Variants in SLC6A12 observed in about 807,000 individuals in gnomAD.
SLC6A12 encodes the protein solute carrier family 6 member 12, also known as sodium- and chloride-dependent betaine transporter.
Under a neutral mutation model 73.3 loss-of-function variants are expected in SLC6A12, and 50 were observed. That is an observed-to-expected ratio of 0.68 (90% CI 0.54 to 0.86). The LOEUF is 0.86. Among genes scored for constraint, SLC6A12 ranks in the 40% least tolerant of loss-of-function variants. The pLI, the probability that SLC6A12 is intolerant of heterozygous loss-of-function variation, is 0.00. For missense variants in SLC6A12, 648 were observed against 772.8 expected (o/e 0.84, Z 1.92); for synonymous variants, 304 against 309.2 (o/e 0.98, Z 0.18).
downstream of SLC6A12, among the ~76,000 whole-genome samples, chr12:187,615 A>C (rs1361718632): frequency 2.3e-3 from 36 of 15,548 alleles, no homozygotes; most frequent in South Asian, 0.012. Flanking sequence ...AAAAAAAAAA[A>C]AAAAAAAAAA....
At chr12:208,363 G>A (rs544849771) in intron 3 of SLC6A12, among the ~76,000 whole-genome samples, 6 of 152,102 alleles carry the variant, frequency 3.9e-5, no homozygotes, top group East Asian at 1.9e-4. Context: ...GCTTGTGATC[G>A]CAACTATAAG....
chr12:192,640 G>A lies in SLC6A12; in HGVS notation c.1539C>T (p.Phe513=). The change falls in exon 15 of 16, where the codon TTC becomes TTT. Residue 513 remains phenylalanine, a synonymous_variant. Coordinates refer to ENST00000684302, the MANE Select transcript of SLC6A12 (RefSeq NM_001122848.3). The stretch of plus-strand genomic sequence containing the variant: ...GGGTGTACTTGCTCAAGGAGAAGAG[G>A]AAAGTGGCCTGGGAGAAGGAAGGGG... ...FLTPGLCLAT[F]LFSLSKYTPL... 6.2e-7 allele frequency: 1 copy of A among 1,614,118 alleles called. No homozygotes were observed. The highest frequency in any genetic ancestry group is 8.5e-7 in the Non-Finnish European group (1 of 1,179,978).
chr12:199,705 C>G (rs1940110456), intron 7 of SLC6A12: 1 of 152,174 alleles, frequency 6.6e-6, no homozygotes, highest in Non-Finnish European at 1.5e-5. Flanking sequence ...TTACTGACCA[C>G]TCCTGGCTTT....
downstream of SLC6A12, among the ~76,000 whole-genome samples, chr12:186,863 C>T (rs1318351041): frequency 3.9e-5 from 6 of 152,156 alleles, no homozygotes; most frequent in African/African-American, 9.7e-5. Flanking sequence ...AGGTCCACAC[C>T]GGAGCAGGCT....
In SLC6A12 at chr12:196,863, G is replaced by A. The variant is rs771756771; in HGVS notation, c.1095C>T (p.Ile365=). The A allele has an allele frequency of 1.4e-5, 23 of 1,613,632 alleles. No homozygotes were observed. Among genetic ancestry groups the A allele is most frequent in the African/African-American group, 1.3e-4 (10 of 74,900 alleles). ...TCATAGTCACAGCCTTGGGGAAGGCGATGAAGGCCAGCCCAGGACCTGCCA... is the reference window on the plus strand; with the variant it reads ...TCATAGTCACAGCCTTGGGGAAGGCAATGAAGGCCAGCCCAGGACCTGCCA... The part of the protein sequence containing the change: ...VAESGPGLAF[I]AFPKAVTMMP... Residue 365 remains isoleucine (I), a synonymous_variant, in exon 11 of 16, where the codon ATC becomes ATT. Coordinates refer to ENST00000684302, the MANE Select transcript of SLC6A12 (RefSeq NM_001122848.3).
At chr12:194,504 G>A (rs950301623) in intron 13 of SLC6A12, among the ~76,000 whole-genome samples, 3 of 152,206 alleles carry the variant, frequency 2.0e-5, no homozygotes, top group Non-Finnish European at 2.9e-5. Flanking sequence ...CGCTTGCTAC[G>A]TGAGCTTAGG....
chr12:207,541 A>G (rs564828554), intron 3 of SLC6A12, among the ~76,000 whole-genome samples: 8 of 152,318 alleles, frequency 5.3e-5, no homozygotes, highest in East Asian at 1.9e-4. Context: ...ATGTTTACTA[A>G]TTAATAATCA....
intron 3 of SLC6A12, among the ~76,000 whole-genome samples, chr12:209,056 T>G (rs937679356): frequency 6.6e-6 from 1 of 152,032 alleles, no homozygotes; most frequent in African/African-American, 2.4e-5. Flanking sequence ...ACCCGGTTAT[T>G]CTCTGCCTCT....
Position 195,293 on chromosome 12 carries a change from T to C in SLC6A12, c.1361A>G (p.Tyr454Cys), listed in dbSNP as rs774590888. The change falls in exon 13 of 16, where the codon TAT becomes TGT. Residue 454 changes from tyrosine (Y) to cysteine (C), a missense_variant. Tyr to Cys is a radical substitution (Grantham distance 194). Transcript: ENST00000684302. ...GMYIFQLFDYYASSGICLLFL... is the reference protein window; with the variant it reads ...GMYIFQLFDYCASSGICLLFL... ...CAGCAGGCATATGCCACTGGAAGCA[T>C]AGTAGTCAAACAGCTGGAAGATGTA... 6.2e-6 allele frequency: 10 copies of C among 1,612,858 alleles called. No individual in the cohort carries two copies. Among genetic ancestry groups the C allele is most frequent in the Non-Finnish European group, 7.6e-6 (9 of 1,179,152 alleles).
intron 6 of SLC6A12, chr12:201,543 G>C (rs1407261788): frequency 1.8e-6 from 1 of 548,664 alleles, no homozygotes; most frequent in Non-Finnish European, 3.3e-6. Context: ...GGGGCTGAAG[G>C]TGGACATGAC....
At chr12:189,864 G>A (rs766916340), downstream of SLC6A12, among the ~76,000 whole-genome samples, 1 of 152,138 alleles carries the variant, frequency 6.6e-6, no homozygotes, top group African/African-American at 2.4e-5. Flanking sequence ...CACAGACTCC[G>A]TGCATTCCGT....
downstream of SLC6A12, among the ~76,000 whole-genome samples, chr12:188,339 C>G (rs1176621261): frequency 1.3e-5 from 2 of 152,072 alleles, no homozygotes; most frequent in South Asian, 4.2e-4. Flanking sequence ...CTCACTGCCC[C>G]GGGCCGGCGG....
At chr12:185,985 G>A (rs1939422708), downstream of SLC6A12, among the ~76,000 whole-genome samples, 2 of 152,216 alleles carry the variant, frequency 1.3e-5, no homozygotes, top group African/African-American at 2.4e-5. Flanking sequence ...CAAGGAAGCT[G>A]GGCATGCGAG....
chr12:204,573 G>C lies in SLC6A12; in HGVS notation c.340C>G (p.Leu114Val), dbSNP rs202019780. 30 of 1,614,042 alleles carry C rather than the reference G, an allele frequency of 1.9e-5. 1 individual carries two copies. Among genetic ancestry groups the C allele is most frequent in the East Asian group, 2.2e-5 (1 of 44,904 alleles). The stretch of plus-strand genomic sequence containing the variant: ...GGGGGAGGATACATACCCTGGAAGA[G>C]GGGGCAGATCTTCCTCCAGGCTGTG... ...SVTAWRKICP[L>V]FQGIGLASVV... The change falls in exon 4 of 16, where the codon CTC becomes GTC. Residue 114 changes from leucine (L) to valine (V), a missense_variant. By Grantham distance (32) the Leu-to-Val change is conservative. Transcript: ENST00000684302.
intron 3 of SLC6A12, chr12:204,901 C>A (rs1368368682): frequency 1.8e-6 from 1 of 552,840 alleles, no homozygotes; most frequent in East Asian, 2.9e-5. Context: ...GATCTGAACC[C>A]TACACAGAAT....
chr12:208,953 C>T (rs912338615), intron 3 of SLC6A12, among the ~76,000 whole-genome samples: 17 of 152,154 alleles, frequency 1.1e-4, no homozygotes, highest in African/African-American at 2.9e-4. Flanking sequence ...AAAATTGCTT[C>T]GGTGGCTCCC....
the SLC6A12 span, among the ~76,000 whole-genome samples, chr12:184,619 G>C: frequency 6.6e-6 from 1 of 152,060 alleles, no homozygotes; most frequent in African/African-American, 2.4e-5. Context: ...GCGTGGTGGC[G>C]GGCGCCTGTA....
chr12:193,214 T>C (rs1047058791), intron 14 of SLC6A12, 63 bp downstream of exon 14: 2 of 1,188,506 alleles, frequency 1.7e-6, no homozygotes, highest in African/African-American at 3.0e-5. Flanking sequence ...AGCCGTCCTT[T>C]CCCTCATCTC....
At chr12:194,839 C>T (rs755213597) in intron 13 of SLC6A12, among the ~76,000 whole-genome samples, 1 of 152,196 alleles carries the variant, frequency 6.6e-6, no homozygotes, top group Non-Finnish European at 1.5e-5. Context: ...TGGGTGATCG[C>T]CTCGTTGTTG....
Sources: allele counts gnomAD v4.1 joint callset (sites outside exome capture counted in the v4.1 genomes callset), GRCh38; gene constraint gnomAD v4.1.1; transcripts MANE v1.5; gene names NCBI Gene and HGNC (gene_info 2026-07-23, HGNC 2026-07-21).